The following ITSN1 variants were observed in gnomAD, a reference collection of about 807,000 sequenced individuals.
ITSN1 encodes the protein intersectin 1.
Under a neutral mutation model 239.8 loss-of-function variants are expected in ITSN1, and 58 were observed. The observed-to-expected ratio is 0.24, with a 90% CI of 0.20 to 0.30. ITSN1 has a LOEUF of 0.30. Ranked by LOEUF, ITSN1 falls within the 10% of genes least tolerant of loss-of-function variation. The probability of loss-of-function intolerance (pLI) is 1.00; values close to 1 mark genes in which losing one functional copy is unlikely to be tolerated. For synonymous variants in ITSN1, 780 were observed against 770.8 expected (o/e 1.01, Z -0.20); for missense variants, 1,558 against 2,103.3 (o/e 0.74, Z 5.07).
At chr21:33,670,701 A>G (rs1177384377) in intron 1 of ITSN1, among the ~76,000 whole-genome samples, 1 of 152,204 alleles carries the variant, frequency 6.6e-6, no homozygotes, top group African/African-American at 2.4e-5. Context: ...TAAGAAATGT[A>G]TTCATCTCAG....
chr21:33,824,992 G>T (rs182331678), intron 25 of ITSN1, among the ~76,000 whole-genome samples: 8 of 152,252 alleles, frequency 5.3e-5, no homozygotes, highest in Admixed American at 5.2e-4. Context: ...AGTCCAATGA[G>T]AGTCATACAG....
chr21:33,856,383 C>G (rs2148476263), intron 29 of ITSN1, among the ~76,000 whole-genome samples: 1 of 152,280 alleles, frequency 6.6e-6, no homozygotes, highest in Non-Finnish European at 1.5e-5. Context: ...GCCAGCCTCA[C>G]TCTGAGGGCT....
Position 33,892,974 on chromosome 21 carries a change from G to A in ITSN1, c.*4674G>A, listed in dbSNP as rs945438376. 24 of 152,214 alleles carry A rather than the reference G, an allele frequency of 1.6e-4. 1 individual carries two copies. Among genetic ancestry groups the A allele is most frequent in the Non-Finnish European group, 1.5e-5 (1 of 68,062 alleles). 9.4% of individuals were successfully genotyped at this position (152,214 alleles called of 1,614,324 possible). ...CAGTGACCTTACAGGCTTTAGAGGAGCCTGATGAGAGCTATCCTGGGGGCC... is the reference window on the plus strand; with the variant it reads ...CAGTGACCTTACAGGCTTTAGAGGAACCTGATGAGAGCTATCCTGGGGGCC... On this transcript the variant is annotated 3_prime_UTR_variant, in exon 40 of 40. Transcript: ENST00000381318.
intron 25 of ITSN1, among the ~76,000 whole-genome samples, chr21:33,824,947 C>G (rs901400056): frequency 6.6e-6 from 1 of 152,160 alleles, no homozygotes; most frequent in Non-Finnish European, 1.5e-5. Flanking sequence ...GACCTGGAAA[C>G]AGAGAATTCA....
chr21:33,838,990 T>A (rs2074732601), intron 29 of ITSN1, among the ~76,000 whole-genome samples: 1 of 152,250 alleles, frequency 6.6e-6, no homozygotes, highest in Non-Finnish European at 1.5e-5. Context: ...TTGATGCCAC[T>A]GTTTGCTACA....
chr21:33,732,248 C>G (rs1309168562), intron 4 of ITSN1, among the ~76,000 whole-genome samples: 3 of 152,116 alleles, frequency 2.0e-5, no homozygotes, highest in Non-Finnish European at 4.4e-5. Flanking sequence ...TTAAGAGCCT[C>G]CTTTATCAGT....
chr21:33,730,848 C>T (rs1032154274), intron 4 of ITSN1, among the ~76,000 whole-genome samples: 13 of 151,754 alleles, frequency 8.6e-5, no homozygotes, highest in Non-Finnish European at 1.3e-4. Flanking sequence ...TACAGGCGCC[C>T]GCGTGCCCAG....
chr21:33,761,695 A>C (rs1302258328), intron 8 of ITSN1, among the ~76,000 whole-genome samples: 2 of 152,228 alleles, frequency 1.3e-5, no homozygotes, highest in Non-Finnish European at 2.9e-5. Flanking sequence ...TCAAACATCC[A>C]TTTAACAAAA....
intron 27 of ITSN1, among the ~76,000 whole-genome samples, chr21:33,830,287 G>T (rs2284568): frequency 8.5e-5 from 13 of 152,104 alleles, no homozygotes; most frequent in African/African-American, 2.9e-4. Flanking sequence ...TTACTGTTAC[G>T]CAGTTCTCAT....
Position 33,750,210 on chromosome 21 carries a change from A to C in ITSN1, c.414A>C (p.Pro138=). 1 of 1,614,138 alleles carries C rather than the reference A, an allele frequency of 6.2e-7. No individual in the cohort carries two copies. The highest frequency in any genetic ancestry group is 1.3e-5 in the African/African-American group (1 of 75,040). Reference sequence around the variant, plus strand: ...CTCCAGTGCCAATGGGATCCATTCCAGTTGTTGGAATGTCTCCAACCCTAG... The same window carrying C: ...CTCCAGTGCCAATGGGATCCATTCCCGTTGTTGGAATGTCTCCAACCCTAG... The part of the protein sequence containing the change: ...AVAPVPMGSI[P]VVGMSPTLVS... Residue 138 remains proline (P), a synonymous_variant, in exon 6 of 40, where the codon CCA becomes CCC. Coordinates refer to ENST00000381318, the MANE Select transcript of ITSN1 (RefSeq NM_003024.3).
At chr21:33,840,969 G>C (rs181531566) in intron 29 of ITSN1, among the ~76,000 whole-genome samples, 2 of 152,120 alleles carry the variant, frequency 1.3e-5, no homozygotes, top group East Asian at 3.9e-4. Flanking sequence ...TCCTCTGGCC[G>C]GCTGCCTCTC....
intron 22 of ITSN1, among the ~76,000 whole-genome samples, chr21:33,816,893 G>A: frequency 6.6e-6 from 1 of 152,170 alleles, no homozygotes; most frequent in Non-Finnish European, 1.5e-5. Flanking sequence ...TAAGTGGAAG[G>A]AAATAGGATA....
At chr21:33,783,947 ATTACTAAAGAG>A (rs2070410914) in intron 16 of ITSN1, among the ~76,000 whole-genome samples, 1 of 152,170 alleles carries the variant, frequency 6.6e-6, no homozygotes, top group Admixed American at 6.5e-5. Context: ...TTCTGTTGCC[ATTACTAAAGAG>A]AACACCCTTA....
intron 1 of ITSN1, among the ~76,000 whole-genome samples, chr21:33,655,513 T>A (rs1419871778): frequency 1.3e-5 from 2 of 151,294 alleles, no homozygotes; most frequent in Non-Finnish European, 2.9e-5. Context: ...CTCTACCTCC[T>A]GGGTTCAAAC....
chr21:33,851,095 T>C (rs753252630), intron 29 of ITSN1, among the ~76,000 whole-genome samples: 23 of 152,228 alleles, frequency 1.5e-4, no homozygotes, highest in Non-Finnish European at 2.6e-4. Flanking sequence ...TCCTGGTCCT[T>C]CCACATGTTG....
At chr21:33,645,978 T>C (rs2087905936) in intron 1 of ITSN1, among the ~76,000 whole-genome samples, 4 of 152,254 alleles carry the variant, frequency 2.6e-5, no homozygotes, top group Admixed American at 2.6e-4. Context: ...TTCACCCCTC[T>C]ACCTCCAGGG....
chr21:33,817,469 C>A, intron 22 of ITSN1: 1 of 1,304,424 alleles, frequency 7.7e-7, no homozygotes, highest in African/African-American at 1.5e-5. Flanking sequence ...AGAATTCATC[C>A]CTGTTTTCTC....
chr21:33,713,828 CTTTTTTTTTTT>C (rs35226795), intron 1 of ITSN1, among the ~76,000 whole-genome samples: 11 of 89,380 alleles, frequency 1.2e-4, no homozygotes, highest in Admixed American at 1.0e-3. Flanking sequence ...CCAGCCTCAT[CTTTTTTTTTTT>C]TTTTTTTTTT....
At chr21:33,727,395 G>A (rs2284562) in intron 4 of ITSN1, among the ~76,000 whole-genome samples, 17,045 of 151,760 alleles carry the variant, frequency 0.11, 1,096 homozygotes, top group East Asian at 0.27. Flanking sequence ...GAGAAAAGAG[G>A]GAGTGAGGGA....
Sources: allele counts gnomAD v4.1 joint callset (sites outside exome capture counted in the v4.1 genomes callset), GRCh38; gene constraint gnomAD v4.1.1; transcripts MANE v1.5; gene names NCBI Gene and HGNC (gene_info 2026-07-23, HGNC 2026-07-21).